Variants in SDK2 observed in about 807,000 individuals in gnomAD.
SDK2 encodes protein sidekick-2.
SDK2 carries 105 observed loss-of-function variants against 253.9 expected under a neutral mutation model. That is an observed-to-expected ratio of 0.41 (90% confidence interval 0.35 to 0.49). The LOEUF (loss-of-function observed/expected upper bound fraction) is 0.49. Ranked by LOEUF, SDK2 falls within the 20% of genes least tolerant of loss-of-function variation. The pLI is 0.06. For synonymous variants in SDK2, 1,249 were observed against 1,234.9 expected, an observed-to-expected ratio of 1.01 and a Z score of -0.24; for missense variants, 2,608 against 3,003.0, an observed-to-expected ratio of 0.87 and a Z score of 3.07.
chr17:73,591,173 G>A (rs1027278556), intron 1 of SDK2, among the ~76,000 whole-genome samples: 2 of 152,184 alleles, frequency 1.3e-5, no homozygotes, highest in African/African-American at 4.8e-5. Context: ...ACCTGCCTTG[G>A]CCTCCCAAAG....
At chr17:73,411,536 C>T (rs563819407) in intron 18 of SDK2, among the ~76,000 whole-genome samples, 8 of 152,236 alleles carry the variant, frequency 5.3e-5, no homozygotes, top group South Asian at 2.1e-4. Flanking sequence ...AGGGAGTGGA[C>T]GGCATCCTTC....
intron 1 of SDK2, among the ~76,000 whole-genome samples, chr17:73,627,352 G>C (rs142808396): frequency 1.3e-5 from 2 of 151,782 alleles, no homozygotes; most frequent in Non-Finnish European, 2.9e-5. Flanking sequence ...TATAATTGAT[G>C]TGTCTTAGGT....
chr17:73,366,599 G>C (rs542243564), intron 37 of SDK2, among the ~76,000 whole-genome samples: 1 of 152,188 alleles, frequency 6.6e-6, no homozygotes, highest in Non-Finnish European at 1.5e-5. Flanking sequence ...TCCAGTCCAC[G>C]AGGACAGAAC....
chr17:73,472,121 G>T lies in SDK2; in HGVS notation c.322C>A (p.Gln108Lys), dbSNP rs917306207. ...GALLQRQTEV[Q>K]VAYMGSFEEG... The stretch of plus-strand genomic sequence containing the variant: ...TCCCCATTGTACTCACAGGCCACCT[G>T]GACCTCGGTTTGCCGCTGCAGCAGG... The change falls in exon 3 of 45, where the codon CAG becomes AAG. Residue 108 changes from glutamine to lysine, a missense_variant. This residue lies in a region of SDK2 where 1,505 missense variants were observed against 1,859.1 expected (regional missense o/e 0.81). Coordinates refer to ENST00000392650, the MANE Select transcript of SDK2 (RefSeq NM_001144952.2). 1.3e-6 allele frequency: 2 copies of T among 1,551,164 alleles called. No homozygotes were observed. Among genetic ancestry groups the T allele is most frequent in the African/African-American group, 2.7e-5 (2 of 73,046 alleles).
At chr17:73,449,702 C>A (rs1396217384) in intron 4 of SDK2, among the ~76,000 whole-genome samples, 2 of 149,386 alleles carry the variant, frequency 1.3e-5, no homozygotes, top group East Asian at 4.0e-4. Context: ...AGGTGGATCA[C>A]CTGAGGTCGG....
chr17:73,607,784 T>G (rs1015986407), intron 1 of SDK2, among the ~76,000 whole-genome samples: 1 of 151,758 alleles, frequency 6.6e-6, no homozygotes, highest in African/African-American at 2.4e-5. Flanking sequence ...GAAAAGGCTT[T>G]TACTCTGAGG....
At chr17:73,445,798 A>T (rs895826866) in intron 5 of SDK2, among the ~76,000 whole-genome samples, 2 of 152,210 alleles carry the variant, frequency 1.3e-5, no homozygotes, top group African/African-American at 4.8e-5. Flanking sequence ...GAAATTAGCT[A>T]AAAATCAGCG....
intron 1 of SDK2, among the ~76,000 whole-genome samples, chr17:73,598,646 CACG>C (rs3070638): frequency 0.2 from 29,656 of 152,078 alleles, 3,078 homozygotes; most frequent in African/African-American, 0.24. Flanking sequence ...AGGCAGCGGG[CACG>C]ACGTGGATCG....
rs118042916 is a variant in SDK2 at position 73,615,951 on chromosome 17, C to T, written c.64+28074G>A. Among the ~76,000 whole-genome samples, 100 of 152,294 alleles carry T rather than the reference C, an allele frequency of 6.6e-4. 1 individual carries two copies. In the East Asian group the frequency reaches 0.017, roughly 26 times the overall value. Reference sequence around the variant, plus strand: ...TACACAAATACACATGCATGTGACACACATGCCTACACATGCACATGAACA... The same window carrying T: ...TACACAAATACACATGCATGTGACATACATGCCTACACATGCACATGAACA... On this transcript the variant is annotated intron_variant, in intron 1 of 44. Coordinates refer to ENST00000392650, the MANE Select transcript of SDK2 (RefSeq NM_001144952.2).
intron 2 of SDK2, among the ~76,000 whole-genome samples, chr17:73,483,368 A>C (rs1351766138): frequency 1.5e-5 from 2 of 132,270 alleles, no homozygotes; most frequent in Non-Finnish European, 3.1e-5. Flanking sequence ...GCTAAAGTGC[A>C]GTGGCGCGAT....
Position 73,551,134 on chromosome 17 carries a change from G to A in SDK2, c.65-43537C>T, listed in dbSNP as rs796973841. Among the ~76,000 whole-genome samples the A allele has an allele frequency of 3.2e-4, 49 of 152,268 alleles. 1 individual carries two copies. Among genetic ancestry groups the A allele is most frequent in the South Asian group, 1.9e-3 (9 of 4,816 alleles). The stretch of plus-strand genomic sequence containing the variant: ...CAGCCCACGAAGGACACAGTGGGTC[G>A]AGGTGGTAGCCTGAAGCCACAAAGC... On this transcript the variant is annotated intron_variant, in intron 1 of 44. Transcript: ENST00000392650.
chr17:73,394,831 T>C (rs1012749026), intron 25 of SDK2, among the ~76,000 whole-genome samples: 3 of 152,170 alleles, frequency 2.0e-5, no homozygotes, highest in Admixed American at 1.3e-4. Flanking sequence ...CACTGTGGTC[T>C]TTCAGGCACC....
At chr17:73,414,803 CA>C (rs745691385) in intron 17 of SDK2, 44 bp from the exon 18 acceptor site, 6 of 1,250,978 alleles carry the variant, frequency 4.8e-6, no homozygotes, top group Admixed American at 1.7e-5. Flanking sequence ...GGGGCCCAGT[CA>C]GTCTCTCTTG....
At chr17:73,360,383 T>C (rs2062630488) in intron 39 of SDK2, among the ~76,000 whole-genome samples, 1 of 152,090 alleles carries the variant, frequency 6.6e-6, no homozygotes, top group Non-Finnish European at 1.5e-5. Flanking sequence ...TGAGTCAGGC[T>C]AATTGGGACT....
chr17:73,553,229 G>T (rs944093077), intron 1 of SDK2, among the ~76,000 whole-genome samples: 6 of 39,532 alleles, frequency 1.5e-4, no homozygotes, highest in African/African-American at 1.1e-3. Context: ...AGATGGGGCA[G>T]GACAGGCCAC....
At chr17:73,539,399 A>G (rs1447822600) in intron 1 of SDK2, among the ~76,000 whole-genome samples, 1 of 151,890 alleles carries the variant, frequency 6.6e-6, no homozygotes, top group Non-Finnish European at 1.5e-5. Context: ...TTAAACACCC[A>G]GCTGTACATC....
At chr17:73,355,730 G>A (rs1001167526) in intron 40 of SDK2, among the ~76,000 whole-genome samples, 2 of 151,970 alleles carry the variant, frequency 1.3e-5, no homozygotes, top group Non-Finnish European at 2.9e-5. Context: ...TGACTAATTC[G>A]TCTTAAGTCA....
rs1487769249 is a variant in SDK2 at position 73,374,641 on chromosome 17, T to C, written c.4980+4536A>G. Among the ~76,000 whole-genome samples, 3 of 146,256 alleles carry C rather than the reference T, an allele frequency of 2.1e-5. 1 individual carries two copies. Among genetic ancestry groups the C allele is most frequent in the South Asian group, 4.4e-4 (2 of 4,502 alleles). ...CGCTACCATACCCAGCTAATTTTTGTATTTTTAGTAGAGATGCGGTTTCGT... is the reference window on the plus strand; with the variant it reads ...CGCTACCATACCCAGCTAATTTTTGCATTTTTAGTAGAGATGCGGTTTCGT... On this transcript the variant is annotated intron_variant, in intron 36 of 44. Coordinates refer to ENST00000392650, the MANE Select transcript of SDK2 (RefSeq NM_001144952.2).
chr17:73,489,661 G>T (rs936181315), intron 2 of SDK2, among the ~76,000 whole-genome samples: 25 of 152,328 alleles, frequency 1.6e-4, no homozygotes, highest in African/African-American at 5.5e-4. Context: ...AGCTTGGTAG[G>T]TCAAGGGATG....
Sources: gnomAD v4.1 joint callset for allele counts (sites outside exome capture counted in the v4.1 genomes callset) on GRCh38, gnomAD v4.1.1 for gene constraint, gnomAD v4.1.1 regional missense constraint, MANE v1.5 for transcripts, NCBI Gene and HGNC (gene_info 2026-07-23, HGNC 2026-07-21) for gene names.